The following ZNF385D variants were observed in gnomAD, a reference collection of about 807,000 sequenced individuals.
The protein encoded by ZNF385D is zinc finger protein 385D.
Under a neutral mutation model 35.8 loss-of-function variants are expected in ZNF385D, and 15 were observed. That is an observed-to-expected ratio of 0.42 (90% CI 0.28 to 0.64). ZNF385D has a LOEUF of 0.64. Among genes scored for constraint, ZNF385D ranks in the 30% least tolerant of loss-of-function variants. The pLI is 0.23. For missense variants in ZNF385D, 474 were observed against 494.6 expected, an observed-to-expected ratio of 0.96 and a Z score of 0.39; for synonymous variants, 212 against 186.8, an observed-to-expected ratio of 1.13 and a Z score of -1.10.
chr3:21,661,589 A>G (rs1202262972), intron 2 of ZNF385D, among the ~76,000 whole-genome samples: 3 of 152,280 alleles, frequency 2.0e-5, no homozygotes, highest in East Asian at 3.9e-4. Flanking sequence ...ATTTTTAAGC[A>G]CTGAAACTCT....
chr3:21,971,868 G>T (rs1282088897), intron 3 of ZNF385D, among the ~76,000 whole-genome samples: 1 of 151,824 alleles, frequency 6.6e-6, no homozygotes, highest in East Asian at 1.9e-4. Context: ...GACAAAGAAG[G>T]TCACTATATG....
chr3:21,753,481 G>A (rs1016900044), upstream of ZNF385D, among the ~76,000 whole-genome samples: 3 of 152,164 alleles, frequency 2.0e-5, no homozygotes, highest in African/African-American at 7.2e-5. Flanking sequence ...CCAAAAAACA[G>A]CATGTAGCCT....
intron 3 of ZNF385D, among the ~76,000 whole-genome samples, chr3:22,060,374 T>A (rs1699628956): frequency 6.6e-6 from 1 of 152,234 alleles, no homozygotes; most frequent in Admixed American, 6.5e-5. Flanking sequence ...TGTTTAACAC[T>A]AAATTCAAAG....
chr3:22,119,535 C>T (rs1323928312), intron 3 of ZNF385D, among the ~76,000 whole-genome samples: 1 of 151,924 alleles, frequency 6.6e-6, no homozygotes, highest in Non-Finnish European at 1.5e-5. Flanking sequence ...GTTTTGATTC[C>T]ATAATGGCCT....
At chr3:21,564,054 C>T (rs2063053389) in intron 3 of ZNF385D, among the ~76,000 whole-genome samples, 1 of 152,118 alleles carries the variant, frequency 6.6e-6, no homozygotes, top group Non-Finnish European at 1.5e-5. Flanking sequence ...GGTTCTAGGA[C>T]TGTAGGACCC....
intron 3 of ZNF385D, among the ~76,000 whole-genome samples, chr3:22,042,452 T>A (rs1251718215): frequency 6.6e-6 from 1 of 152,172 alleles, no homozygotes; most frequent in African/African-American, 2.4e-5. Context: ...AGTTTTTCCT[T>A]TGTGTTACAA....
chr3:21,629,456 A>G (rs903077777), intron 2 of ZNF385D, among the ~76,000 whole-genome samples: 9 of 152,198 alleles, frequency 5.9e-5, no homozygotes, highest in African/African-American at 2.2e-4. Flanking sequence ...CATATATTTT[A>G]TGTTTCCTTG....
chr3:22,162,204 C>T (rs971646512), intron 3 of ZNF385D, among the ~76,000 whole-genome samples: 2 of 152,106 alleles, frequency 1.3e-5, no homozygotes, highest in Non-Finnish European at 2.9e-5. Flanking sequence ...GTGCATATTT[C>T]TTACTGAGAC....
chr3:22,272,301 A>G (rs867341035), intron 2 of ZNF385D, among the ~76,000 whole-genome samples: 54 of 152,024 alleles, frequency 3.6e-4, no homozygotes, highest in Middle Eastern at 6.8e-3. Context: ...ATCATAATCT[A>G]TTGTCTTTCC....
At chr3:21,981,665 AGATT>A (rs1197597692) in intron 3 of ZNF385D, among the ~76,000 whole-genome samples, 1 of 152,128 alleles carries the variant, frequency 6.6e-6, no homozygotes, top group Non-Finnish European at 1.5e-5. Context: ...GGTATTGCCT[AGATT>A]GTCTTCTAGG....
At chr3:22,147,683 T>C (rs1451713688) in intron 3 of ZNF385D, among the ~76,000 whole-genome samples, 1 of 152,188 alleles carries the variant, frequency 6.6e-6, no homozygotes, top group Non-Finnish European at 1.5e-5. Context: ...CAGTCAAGGA[T>C]ACTGAGGCCC....
At chr3:21,845,071 T>A (rs957566497) in intron 3 of ZNF385D, among the ~76,000 whole-genome samples, 1 of 151,904 alleles carries the variant, frequency 6.6e-6, no homozygotes, top group African/African-American at 2.4e-5. Flanking sequence ...GGTCTTAAAG[T>A]TGCTTTGCGA....
rs146820292 is a variant in ZNF385D at position 21,868,182 on chromosome 3, C to T, written c.326-203154G>A. Among the ~76,000 whole-genome samples, 107 of 152,180 alleles carry T rather than the reference C, an allele frequency of 7.0e-4. 1 individual carries two copies. Among genetic ancestry groups the T allele is most frequent in the African/African-American group, 2.4e-3 (99 of 41,548 alleles). ...TCAGAGAGTATTTTAAGCTCGTGCACGATGCAGTCTCTGTTGCAATTTTTC... is the reference window on the plus strand; with the variant it reads ...TCAGAGAGTATTTTAAGCTCGTGCATGATGCAGTCTCTGTTGCAATTTTTC... On this transcript the variant is annotated intron_variant, in intron 3 of 5. Transcript: ENST00000494108.
chr3:21,849,559 C>T (rs2125805700), intron 3 of ZNF385D: 1 of 148,548 alleles, frequency 6.7e-6, no homozygotes, highest in Admixed American at 6.8e-5. Context: ...ATTCACACCA[C>T]AAATAGAATT....
rs74475327 is a variant in ZNF385D, at chr3:22,030,321, C to T, written c.325+138496G>A. ...TATATATCCTATTTGGTCCATCCCT[C>T]GAAGAGAACTCTGACTAATATGGTT... is the stretch of plus-strand genomic sequence containing the variant. On this transcript the variant is annotated intron_variant, in intron 3 of 5. Transcript: ENST00000494108. Among the ~76,000 whole-genome samples the T allele has an allele frequency of 1.3e-3, 123 of 92,378 alleles. 2 individuals carry two copies. The East Asian group carries it at 0.033, about 25-fold the overall frequency. The allele number at this position is 92,378 out of a possible 152,430, so 60.6% of individuals were successfully genotyped here. A position where few individuals can be genotyped will look rare whatever the true frequency, so the allele number is the denominator to read the frequency against.
intron 2 of ZNF385D, among the ~76,000 whole-genome samples, chr3:21,582,748 AAC>A (rs1410446154): frequency 8.9e-5 from 12 of 134,780 alleles, no homozygotes; most frequent in African/African-American, 3.4e-4. Flanking sequence ...TTGCATTTTT[AAC>A]ACTTTTATTT....
In ZNF385D at chr3:22,220,267, G is replaced by T. The variant is rs2728985; in HGVS notation, c.107-51232C>A. 9.2e-5 allele frequency among the ~76,000 whole-genome samples: 14 copies of T among 151,758 alleles called. 1 individual carries two copies. The highest frequency in any genetic ancestry group is 3.4e-4 in the African/African-American group (14 of 41,282). ...TTTCATAGAGACAAGATCTCACTAT[G>T]TTGCCCAGACTGGTCTTGAACTCCT... is the stretch of plus-strand genomic sequence containing the variant. On this transcript the variant is annotated intron_variant, in intron 2 of 5. Coordinates refer to the ZNF385D transcript ENST00000494108.
intron 3 of ZNF385D, among the ~76,000 whole-genome samples, chr3:22,094,460 C>A (rs886361777): frequency 5.7e-5 from 6 of 104,922 alleles, no homozygotes; most frequent in Non-Finnish European, 1.3e-4. Context: ...CACAGACAGA[C>A]TTAGAAATGC....
chr3:21,880,484 A>C (rs1480912922), intron 3 of ZNF385D, among the ~76,000 whole-genome samples: 1 of 152,026 alleles, frequency 6.6e-6, no homozygotes, highest in African/African-American at 2.4e-5. Context: ...AACTGTGCCT[A>C]TAAGAGATGG....
Sources: gnomAD v4.1 joint callset for allele counts (sites outside exome capture counted in the v4.1 genomes callset) on GRCh38, gnomAD v4.1.1 for gene constraint, MANE v1.5 for transcripts, NCBI Gene and HGNC (gene_info 2026-07-23, HGNC 2026-07-21) for gene names.